The following GABRG3 variants were observed in gnomAD, a reference collection of about 807,000 sequenced individuals.
The protein encoded by GABRG3 is gamma-aminobutyric acid type A receptor subunit gamma3.
GABRG3 carries 25 observed loss-of-function variants against 48.8 expected under a neutral mutation model. The ratio of observed to expected loss-of-function variants is 0.51; its 90% CI spans 0.37 to 0.72. The LOEUF (loss-of-function observed/expected upper bound fraction) is 0.72. GABRG3 is among the 30% of genes least tolerant of loss of function. The pLI, the probability that GABRG3 is intolerant of heterozygous loss-of-function variation, is 0.00. For synonymous variants in GABRG3, 227 were observed against 217.6 expected (o/e 1.04, Z -0.38); for missense variants, 394 against 577.9 (o/e 0.68, Z 3.26).
At chr15:26,984,222 T>C (rs1403124216) in intron 2 of GABRG3, among the ~76,000 whole-genome samples, 1 of 151,446 alleles carries the variant, frequency 6.6e-6, no homozygotes, top group Non-Finnish European at 1.5e-5. Flanking sequence ...AGGACTGGTC[T>C]TTTTTTTTCC....
intron 3 of GABRG3, among the ~76,000 whole-genome samples, chr15:27,318,992 G>A (rs571075493): frequency 6.6e-6 from 1 of 152,158 alleles, no homozygotes; most frequent in Admixed American, 6.5e-5. Context: ...ACTGTATTGT[G>A]TACTTGAAAT....
chr15:27,541,594 C>G lies in GABRG3; in HGVS notation c.*8713C>G, dbSNP rs891244635. ...GCACCGGTGTGGATGCGCTTGGCCC[C>G]GAGGGGGCCGCGCCCTGCCCCAGTG... On this transcript the variant is annotated 3_prime_UTR_variant, in exon 10 of 10. Coordinates refer to ENST00000615808, the MANE Select transcript of GABRG3 (RefSeq NM_033223.5). 1 of 152,324 alleles carries G rather than the reference C, an allele frequency of 6.6e-6. No homozygotes were observed. The highest frequency in any genetic ancestry group is 1.9e-4 in the East Asian group (1 of 5,188). The allele number at this position is 152,324 out of a possible 1,614,324, so 9.4% of individuals were successfully genotyped here. A position where few individuals can be genotyped will look rare whatever the true frequency, so the allele number is the denominator to read the frequency against.
intron 3 of GABRG3, among the ~76,000 whole-genome samples, chr15:27,135,134 A>G (rs1056645454): frequency 2.6e-5 from 4 of 152,230 alleles, no homozygotes; most frequent in African/African-American, 9.6e-5. Flanking sequence ...GTTTTTAGCT[A>G]TAGTAAAGAG....
At chr15:27,224,409 T>C (rs1889546649) in intron 3 of GABRG3, among the ~76,000 whole-genome samples, 1 of 152,174 alleles carries the variant, frequency 6.6e-6, no homozygotes, top group Non-Finnish European at 1.5e-5. Flanking sequence ...CTAAATAATG[T>C]CTAATGCTAC....
At chr15:27,288,460 T>G (rs1013564733) in intron 3 of GABRG3, among the ~76,000 whole-genome samples, 5 of 151,878 alleles carry the variant, frequency 3.3e-5, no homozygotes, top group African/African-American at 1.2e-4. Context: ...AGTCATTAGA[T>G]TTTCATAAGG....
chr15:27,521,194 T>A (rs1891152134), intron 7 of GABRG3, among the ~76,000 whole-genome samples: 1 of 152,252 alleles, frequency 6.6e-6, no homozygotes, highest in African/African-American at 2.4e-5. Flanking sequence ...TGTTCTGGGC[T>A]CAAGACACAG....
At position 27,167,253 on chromosome 15, in the gene GABRG3, A is replaced by T. The variant is rs176377; in HGVS notation, c.270+140432A>T. ...CCCCTGATTCTTTTCCTCTCTTTCC[A>T]CATCTGCTAAAGTAAGAAGTACATT... On this transcript the variant is annotated intron_variant, in intron 3 of 9. Transcript: ENST00000615808. 7.3e-3 allele frequency among the ~76,000 whole-genome samples: 1,113 copies of T among 152,212 alleles called. 15 individuals carry two copies. Among genetic ancestry groups the T allele is most frequent in the African/African-American group, 0.025 (1,057 of 41,518 alleles).
intron 3 of GABRG3, among the ~76,000 whole-genome samples, chr15:27,063,683 G>A (rs1490374514): frequency 1.3e-5 from 2 of 152,190 alleles, no homozygotes; most frequent in Non-Finnish European, 2.9e-5. Flanking sequence ...TTTCTTTATA[G>A]CCTTGCGAGA....
intron 5 of GABRG3, among the ~76,000 whole-genome samples, chr15:27,437,115 ATC>A (rs1308618557): frequency 3.3e-5 from 5 of 151,804 alleles, no homozygotes; most frequent in African/African-American, 1.2e-4. Flanking sequence ...AATGTTGGTT[ATC>A]ACCAAGCATC....
chr15:27,352,393 C>T lies in GABRG3; in HGVS notation c.574+23505C>T, dbSNP rs1894652504. Among the ~76,000 whole-genome samples, 1 of 151,974 alleles carries T rather than the reference C, an allele frequency of 6.6e-6. No individual in the cohort carries two copies. The highest frequency in any genetic ancestry group is 2.1e-4 in the South Asian group (1 of 4,818). The stretch of plus-strand genomic sequence containing the variant: ...CTGCCAATTTCTCTTATTCCGTTAG[C>T]TGAAGCTTAGAAAAATAACCCAGGA... On this transcript the variant is annotated intron_variant, in intron 5 of 9. Transcript: ENST00000615808. The surrounding 1 kb of genome is among the most constrained non-coding windows in gnomAD (Gnocchi z 4.0).
intron 3 of GABRG3, among the ~76,000 whole-genome samples, chr15:27,237,493 A>T (rs1167141912): frequency 6.6e-6 from 1 of 152,226 alleles, no homozygotes; most frequent in Non-Finnish European, 1.5e-5. Flanking sequence ...AGTCGCCAAC[A>T]GCCGGGCAGC....
intron 2 of GABRG3, 111 bp downstream of exon 2, chr15:26,977,261 G>C: frequency 8.7e-7 from 1 of 1,149,920 alleles, no homozygotes; most frequent in Non-Finnish European, 1.2e-6. Context: ...GTGCAGAAAG[G>C]TTTCCTGTAC....
chr15:27,295,954 C>G (rs566760943), intron 3 of GABRG3, among the ~76,000 whole-genome samples: 2 of 152,272 alleles, frequency 1.3e-5, no homozygotes, highest in East Asian at 3.9e-4. Flanking sequence ...AGCCCTTGAT[C>G]TTCTAGCCTT....
chr15:27,530,855 A>G (rs1891406837), intron 9 of GABRG3: 3 of 364,628 alleles, frequency 8.2e-6, no homozygotes, highest in Middle Eastern at 3.8e-4. Flanking sequence ...CTGGCTGATC[A>G]CTGTCAAAGC....
intron 3 of GABRG3, among the ~76,000 whole-genome samples, chr15:27,282,162 G>A (rs933241354): frequency 2.6e-5 from 4 of 152,040 alleles, no homozygotes; most frequent in Admixed American, 2.6e-4. Context: ...CTTGGTTTTG[G>A]TTTTCAGAAG....
intron 3 of GABRG3, among the ~76,000 whole-genome samples, chr15:27,056,353 C>CAAAAAAAAAAAA (rs58665097): frequency 1.0e-3 from 59 of 56,504 alleles, no homozygotes; most frequent in East Asian, 2.0e-3. Context: ...ACCCTGTCTC[C>CAAAAAAAAAAAA]AAAAAAAAAA....
At chr15:27,505,376 G>A (rs1439029548) in intron 6 of GABRG3, among the ~76,000 whole-genome samples, 3 of 152,110 alleles carry the variant, frequency 2.0e-5, no homozygotes, top group Non-Finnish European at 4.4e-5. Flanking sequence ...TTTTCTACTT[G>A]TTAGTACTGA....
chr15:27,113,368 T>C (rs1259269119), intron 3 of GABRG3, among the ~76,000 whole-genome samples: 4 of 152,200 alleles, frequency 2.6e-5, no homozygotes, highest in Non-Finnish European at 5.9e-5. Flanking sequence ...TCTGGTCTGC[T>C]CATAGACTGA....
rs185117104 is a variant in GABRG3 at position 27,127,506 on chromosome 15, T to C, written c.270+100685T>C. Among the ~76,000 whole-genome samples, 443 of 152,094 alleles carry C rather than the reference T, an allele frequency of 2.9e-3. 1 individual carries two copies. The highest frequency in any genetic ancestry group is 0.01 in the African/African-American group (428 of 41,488). On this transcript the variant is annotated intron_variant, in intron 3 of 9. Transcript: ENST00000615808. Reference sequence around the variant, plus strand: ...CCACTTGGGGAAAGTGGAAAATCTCTGGGGTCTCCTTGGAAATCATGTCTG... The same window carrying C: ...CCACTTGGGGAAAGTGGAAAATCTCCGGGGTCTCCTTGGAAATCATGTCTG...
Sources: gnomAD v4.1 joint callset for allele counts (sites outside exome capture counted in the v4.1 genomes callset) on GRCh38, gnomAD v4.1.1 for gene constraint, Gnocchi (gnomAD v3.1) non-coding constraint, MANE v1.5 for transcripts, NCBI Gene and HGNC (gene_info 2026-07-23, HGNC 2026-07-21) for gene names.